Variants in STK32B observed in about 807,000 individuals in gnomAD.
The protein encoded by STK32B is serine/threonine-protein kinase 32B.
In STK32B, 43 loss-of-function variants were observed where a neutral mutation model predicts 52.6. That is an observed-to-expected ratio of 0.82 (90% CI 0.64 to 1.05). STK32B has a LOEUF of 1.05. STK32B is among the 50% of genes least tolerant of loss of function. The pLI, the probability that STK32B is intolerant of heterozygous loss-of-function variation, is 0.00. For synonymous variants in STK32B, 238 were observed against 204.3 expected (o/e 1.17, Z -1.41); for missense variants, 621 against 534.6 (o/e 1.16, Z -1.59).
At chr4:5,247,896 C>T (rs536855863) in intron 3 of STK32B, among the ~76,000 whole-genome samples, 4 of 152,270 alleles carry the variant, frequency 2.6e-5, no homozygotes, top group Admixed American at 1.3e-4. Context: ...TGCAGCTTTT[C>T]TTCTTGCATA....
At chr4:5,483,242 T>C (rs904580595) in intron 11 of STK32B, among the ~76,000 whole-genome samples, 14 of 151,506 alleles carry the variant, frequency 9.2e-5, no homozygotes, top group African/African-American at 3.4e-4. Flanking sequence ...TGGTAAGCTA[T>C]TGATTATTGC....
chr4:5,474,804 ACAGT>A (rs1718110621), intron 11 of STK32B, among the ~76,000 whole-genome samples: 1 of 152,156 alleles, frequency 6.6e-6, no homozygotes, highest in South Asian at 2.1e-4. Context: ...TTCCCGTTTC[ACAGT>A]CAGCTAAACT....
At chr4:5,429,351 T>G (rs905927220) in intron 6 of STK32B, among the ~76,000 whole-genome samples, 9 of 152,156 alleles carry the variant, frequency 5.9e-5, no homozygotes, top group Non-Finnish European at 1.3e-4. Context: ...TTGTTTCATT[T>G]GGTCTTTGTT....
At chr4:5,208,659 C>G (rs539252615) in intron 3 of STK32B, among the ~76,000 whole-genome samples, 3 of 151,812 alleles carry the variant, frequency 2.0e-5, no homozygotes, top group African/African-American at 7.3e-5. Flanking sequence ...CTGCTTGAAC[C>G]TTGGATTTCC....
intron 3 of STK32B, among the ~76,000 whole-genome samples, 166 bp from the exon 4 acceptor site, chr4:5,331,054 T>C (rs917586852): frequency 1.3e-5 from 2 of 152,066 alleles, no homozygotes; most frequent in Non-Finnish European, 2.9e-5. Flanking sequence ...AGCCTGAGGA[T>C]TGAAAGCCTT....
intron 3 of STK32B, among the ~76,000 whole-genome samples, chr4:5,254,983 T>TATATATATATA (rs1577252456): frequency 2.6e-5 from 4 of 151,078 alleles, no homozygotes; most frequent in African/African-American, 9.9e-5. Flanking sequence ...TATATGTTTA[T>TATATATATATA]TGAGCATCTT....
At chr4:5,170,926 A>G (rs1306425561) in intron 3 of STK32B, among the ~76,000 whole-genome samples, 1 of 152,224 alleles carries the variant, frequency 6.6e-6, no homozygotes, top group African/African-American at 2.4e-5. Flanking sequence ...AGTCCCACCA[A>G]CAGTGTAAAA....
At chr4:5,263,555 A>G (rs1007064120) in intron 3 of STK32B, among the ~76,000 whole-genome samples, 4 of 152,198 alleles carry the variant, frequency 2.6e-5, no homozygotes, top group Admixed American at 6.5e-5. Flanking sequence ...ATGCAAAATC[A>G]CCTGGCCTGG....
intron 3 of STK32B, among the ~76,000 whole-genome samples, chr4:5,271,855 G>A (rs1355851784): frequency 1.4e-5 from 2 of 139,752 alleles, no homozygotes; most frequent in Admixed American, 6.8e-5. Flanking sequence ...CATTGATTTT[G>A]TATCCTGAGA....
chr4:5,143,125 GTCTGTCTA>G (rs1363299265), intron 2 of STK32B, among the ~76,000 whole-genome samples: 12 of 100,098 alleles, frequency 1.2e-4, no homozygotes, highest in Middle Eastern at 5.3e-3. Context: ...CTGTCTGTCT[GTCTGTCTA>G]TCTGTCTGTC....
At chr4:5,229,658 GTTTA>G (rs1406659491) in intron 3 of STK32B, among the ~76,000 whole-genome samples, 1 of 151,922 alleles carries the variant, frequency 6.6e-6, no homozygotes, top group Non-Finnish European at 1.5e-5. Context: ...GTAAATAAAT[GTTTA>G]TTTATTTTAA....
intron 2 of STK32B, among the ~76,000 whole-genome samples, chr4:5,159,505 A>G (rs1445451881): frequency 6.9e-6 from 1 of 144,374 alleles, no homozygotes; most frequent in Non-Finnish European, 1.5e-5. Context: ...TATATATATG[A>G]ATATATATAT....
chr4:5,454,533 A>G, intron 7 of STK32B, among the ~76,000 whole-genome samples: 1 of 152,122 alleles, frequency 6.6e-6, no homozygotes. Flanking sequence ...TTACTTCTAG[A>G]AAGAGCCTAT....
At chr4:5,280,363 AT>A (rs1728114364) in intron 3 of STK32B, among the ~76,000 whole-genome samples, 1 of 152,086 alleles carries the variant, frequency 6.6e-6, no homozygotes, top group Non-Finnish European at 1.5e-5. Flanking sequence ...TTCACTGTCC[AT>A]GTCACTATCA....
intron 1 of STK32B, among the ~76,000 whole-genome samples, chr4:5,096,009 A>G (rs897485204): frequency 3.3e-5 from 5 of 152,210 alleles, no homozygotes; most frequent in African/African-American, 1.2e-4. Flanking sequence ...ATTTCATGGG[A>G]TGTGGAATTA....
intron 6 of STK32B, 89 bp from the exon 7 acceptor site, chr4:5,446,584 G>T: frequency 6.2e-6 from 6 of 975,190 alleles, no homozygotes; most frequent in Non-Finnish European, 9.2e-6. Flanking sequence ...AAAAAAACAA[G>T]CTCAATTTCT....
chr4:5,053,129 G>C (rs1172527197), intron 1 of STK32B, among the ~76,000 whole-genome samples: 2 of 152,228 alleles, frequency 1.3e-5, no homozygotes, highest in Non-Finnish European at 2.9e-5. Flanking sequence ...CAAAAAGATA[G>C]ATGAACACAG....
chr4:5,437,687 T>G (rs145142393), intron 6 of STK32B, among the ~76,000 whole-genome samples: 4 of 152,216 alleles, frequency 2.6e-5, no homozygotes, highest in African/African-American at 9.6e-5. Flanking sequence ...ATCAGAAAAA[T>G]GAAGATCATA....
chr4:5,483,275 G>C (rs1350260591), intron 11 of STK32B, among the ~76,000 whole-genome samples: 1 of 151,596 alleles, frequency 6.6e-6, no homozygotes, highest in Non-Finnish European at 1.5e-5. Context: ...GCCTGTTATT[G>C]GTCTATTCAG....
Sources: gnomAD v4.1 joint callset for allele counts (sites outside exome capture counted in the v4.1 genomes callset) on GRCh38, gnomAD v4.1.1 for gene constraint, MANE v1.5 for transcripts, NCBI Gene and HGNC (gene_info 2026-07-23, HGNC 2026-07-21) for gene names.